The following LMAN2 variants were observed in gnomAD, a reference collection of about 807,000 sequenced individuals.
LMAN2 encodes vesicular integral-membrane protein VIP36.
LMAN2 carries 22 observed loss-of-function variants against 39.3 expected under a neutral mutation model. The ratio of observed to expected loss-of-function variants is 0.56; its 90% confidence interval spans 0.40 to 0.80. LMAN2 has a LOEUF of 0.80. Ranked by LOEUF, LMAN2 falls within the 30% of genes least tolerant of loss-of-function variation. The probability of loss-of-function intolerance (pLI) is 0.00; values close to 1 mark genes in which losing one functional copy is unlikely to be tolerated. For synonymous variants in LMAN2, 207 were observed against 207.8 expected (o/e 1.00, Z 0.03); for missense variants, 494 against 505.4 (o/e 0.98, Z 0.22).
chr5:177,340,114 A>G (rs1414205479), intron 2 of LMAN2, among the ~76,000 whole-genome samples: 1 of 152,242 alleles, frequency 6.6e-6, no homozygotes, highest in Admixed American at 6.5e-5. Flanking sequence ...ACTGATTCAA[A>G]GACACGCCAC....
rs758653643 is a variant in LMAN2 at position 177,338,577 on chromosome 5, T to G, written c.344A>C (p.His115Pro). ...TGTGCCGTGGACTTTGAAGTGGACG[T>G]GCATTTCCCAGTCTTTGAGGAAGCA... ...QPCFLKDWEMHVHFKVHGTGK... is the reference protein window; with the variant it reads ...QPCFLKDWEMPVHFKVHGTGK... The change falls in exon 3 of 8, where the codon CAC (histidine) becomes CCC (proline). Residue 115 changes from histidine to proline, a missense_variant. His to Pro is a moderately conservative substitution (Grantham distance 77, BLOSUM62 -2). Transcript: ENST00000303127. 1 of 1,614,086 alleles carries G rather than the reference T, an allele frequency of 6.2e-7. No individual in the cohort carries two copies.
chr5:177,338,624 G>T lies in LMAN2; in HGVS notation c.316-19C>A. On this transcript the variant is annotated intron_variant, in intron 2 of 7. Transcript: ENST00000303127. ...AGCACGGCTGGAGGGAGAGCAGAAT[G>T]GGCTGCTCAGAGCTCCCCAGGGCCT... 2.5e-6 allele frequency: 4 copies of T among 1,604,728 alleles called. No homozygotes were observed. Among genetic ancestry groups the T allele is most frequent in the Non-Finnish European group, 3.4e-6 (4 of 1,171,520 alleles).
In LMAN2 at chr5:177,337,003, A is replaced by G. The variant is rs1175342059; in HGVS notation, c.790+133T>C. The G allele has an allele frequency of 5.9e-6, 4 of 673,002 alleles. No homozygotes were observed. Among genetic ancestry groups the G allele is most frequent in the African/African-American group, 5.4e-5 (3 of 55,814 alleles). 41.7% of individuals were successfully genotyped at this position (673,002 alleles called of 1,614,324 possible). ...TGAGGCCCGGACAGGCCATTTACAG[A>G]AGAAAGGAGGAGGAGGAACACAGCC... On this transcript the variant is annotated intron_variant, in intron 6 of 7. Coordinates refer to ENST00000303127, the MANE Select transcript of LMAN2 (RefSeq NM_006816.3). This position sits in a 1 kb window ranked among gnomAD's most constrained non-coding sequence, Gnocchi z 8.2.
intron 7 of LMAN2, among the ~76,000 whole-genome samples, chr5:177,333,095 C>T (rs1384947047): frequency 6.6e-6 from 1 of 152,242 alleles, no homozygotes; most frequent in Non-Finnish European, 1.5e-5. Flanking sequence ...ACTCTCGCCC[C>T]AGCCTCTGCT....
At chr5:177,334,241 C>A in intron 7 of LMAN2, 43 bp downstream of exon 7, 1 of 1,578,386 alleles carries the variant, frequency 6.3e-7, no homozygotes, top group South Asian at 1.1e-5. Context: ...CATTCTGGGT[C>A]AGGCCGCCCA....
chr5:177,335,331 T>A (rs1761454640), intron 6 of LMAN2, among the ~76,000 whole-genome samples: 2 of 152,304 alleles, frequency 1.3e-5, no homozygotes, highest in Non-Finnish European at 2.9e-5. Flanking sequence ...CCTTTCAGTT[T>A]TCAAACTCCC....
chr5:177,334,632 C>G (rs1761443047), intron 6 of LMAN2: 1 of 479,978 alleles, frequency 2.1e-6, no homozygotes, highest in Admixed American at 3.8e-5. Context: ...GCTTTACAAG[C>G]AGAATCATCT....
chr5:177,340,291 A>C (rs58105284), intron 2 of LMAN2, among the ~76,000 whole-genome samples: 1,832 of 152,304 alleles, frequency 0.012, 46 homozygotes, highest in African/African-American at 0.042. Context: ...AGCCCCAGGC[A>C]ATCCTGAGAA....
At chr5:177,342,024 C>A (rs964084586) in intron 2 of LMAN2, among the ~76,000 whole-genome samples, 1 of 151,924 alleles carries the variant, frequency 6.6e-6, no homozygotes, top group East Asian at 1.9e-4. Context: ...GAAAAATGAA[C>A]AGAGAATAGG....
At chr5:177,340,958 T>C in intron 2 of LMAN2, among the ~76,000 whole-genome samples, 1 of 151,734 alleles carries the variant, frequency 6.6e-6, no homozygotes, top group Admixed American at 6.6e-5. Flanking sequence ...GGTTTCACCG[T>C]GTTAGCCAGG....
At chr5:177,349,109 C>T (rs1488400096) in intron 2 of LMAN2, among the ~76,000 whole-genome samples, 5 of 152,148 alleles carry the variant, frequency 3.3e-5, no homozygotes, top group African/African-American at 1.2e-4. Context: ...CCGCACAAGA[C>T]CCCCAAAAGG....
Position 177,332,322 on chromosome 5 carries a change from A to G in LMAN2, c.911-76T>C. On this transcript the variant is annotated intron_variant, in intron 7 of 7. Transcript: ENST00000303127. This position sits in a 1 kb window ranked among gnomAD's most constrained non-coding sequence, Gnocchi z 6.3. ...AGGGGGCTGCAGGAGGGCAGTGGGG[A>G]TGGAACAGGACAGCCGGCCACGGTG... The G allele has an allele frequency of 1.4e-6, 2 of 1,406,856 alleles. No homozygotes were observed. Among genetic ancestry groups the G allele is most frequent in the South Asian group, 2.5e-5 (2 of 80,626 alleles). The allele number at this position is 1,406,856 out of a possible 1,614,324, so 87.1% of individuals were successfully genotyped here.
At position 177,351,260 on chromosome 5, in the gene LMAN2, G is replaced by A. The variant is rs760669325; in HGVS notation, c.228C>T (p.Asp76=). 1 of 1,614,048 alleles carries A rather than the reference G, an allele frequency of 6.2e-7. No homozygotes were observed. Among genetic ancestry groups the A allele is most frequent in the African/African-American group, 1.3e-5 (1 of 74,946 alleles). ...TCGTGAGCATAGTGCTGCCCTGGAA[G>A]TCCCAGAGGGGCATAGAGCTGGAAC... The part of the protein sequence containing the change: ...GVGSSSMPLW[D]FQGSTMLTSQ... The change falls in exon 2 of 8, where the codon GAC becomes GAT. Residue 76 remains aspartate (D), a synonymous_variant. Coordinates refer to ENST00000303127, the MANE Select transcript of LMAN2 (RefSeq NM_006816.3).
intron 2 of LMAN2, among the ~76,000 whole-genome samples, chr5:177,348,687 C>CA (rs35269220): frequency 0.047 from 1,593 of 33,858 alleles, 186 homozygotes; most frequent in Non-Finnish European, 0.068. Context: ...GACTCTGTCT[C>CA]AAAAAAAAAA....
intron 2 of LMAN2, among the ~76,000 whole-genome samples, chr5:177,342,628 G>A (rs1714577500): frequency 6.6e-6 from 1 of 152,176 alleles, no homozygotes; most frequent in African/African-American, 2.4e-5. Flanking sequence ...CAAGGCTGCA[G>A]TGAGCCGTGT....
At chr5:177,344,496 G>T (rs1761605920) in intron 2 of LMAN2, among the ~76,000 whole-genome samples, 1 of 150,658 alleles carries the variant, frequency 6.6e-6, no homozygotes, top group African/African-American at 2.4e-5. Flanking sequence ...TGGCCAGGAT[G>T]GTCTTGATCT....
Position 177,351,172 on chromosome 5 carries a change from C to T in LMAN2, c.315+1G>A. 21 of 1,612,714 alleles carry T rather than the reference C, an allele frequency of 1.3e-5. No individual in the cohort carries two copies. Among genetic ancestry groups the T allele is most frequent in the Non-Finnish European group, 1.7e-5 (20 of 1,178,692 alleles). On this transcript the variant is annotated splice_donor_variant, in intron 2 of 7. Transcript: ENST00000303127. LOFTEE classifies it high-confidence loss of function. ...CGCCTATCCTCTTGAGAACCACTCA[C>T]CTGGTGGTTCCAGATAGAGCCCTCT...
intron 2 of LMAN2, among the ~76,000 whole-genome samples, chr5:177,344,775 G>T (rs949168740): frequency 2.6e-5 from 4 of 151,450 alleles, no homozygotes; most frequent in Admixed American, 6.6e-5. Context: ...GTGCGGTGGC[G>T]GGCGCCTGTA....
intron 6 of LMAN2, 151 bp downstream of exon 6, chr5:177,336,985 C>G (rs756009934): frequency 1.6e-6 from 1 of 633,270 alleles, no homozygotes; most frequent in Non-Finnish European, 2.8e-6. Flanking sequence ...AACTGAGGCC[C>G]GGACAGGCCA....
Sources: gnomAD v4.1 joint callset for allele counts (sites outside exome capture counted in the v4.1 genomes callset) on GRCh38, gnomAD v4.1.1 for gene constraint, Gnocchi (gnomAD v3.1) non-coding constraint, MANE v1.5 for transcripts, NCBI Gene and HGNC (gene_info 2026-07-23, HGNC 2026-07-21) for gene names.